Variants in FBXO25 observed in about 807,000 individuals in gnomAD.
FBXO25 encodes F-box protein 25.
Under a neutral mutation model 51.9 loss-of-function variants are expected in FBXO25, and 45 were observed. The ratio of observed to expected loss-of-function variants is 0.87; its 90% CI spans 0.68 to 1.11. FBXO25 has a LOEUF of 1.11. Ranked by LOEUF, FBXO25 falls within the 50% of genes most tolerant of loss-of-function variation. The pLI is 0.00. For missense variants in FBXO25, 507 were observed against 428.5 expected (o/e 1.18, Z -1.62); for synonymous variants, 199 against 151.0 (o/e 1.32, Z -2.33).
chr8:451,539 A>G lies in FBXO25; in HGVS notation c.660+86A>G, dbSNP rs1585076646. The G allele has an allele frequency of 2.4e-5, 30 of 1,273,896 alleles. No homozygotes were observed. In the Admixed American group the frequency reaches 5.4e-4, roughly 23 times the overall value. 78.9% of individuals were successfully genotyped at this position (1,273,896 alleles called of 1,614,324 possible). A position where few individuals can be genotyped will look rare whatever the true frequency, so the allele number is the denominator to read the frequency against. On this transcript the variant is annotated intron_variant, in intron 7 of 9. Coordinates refer to ENST00000350302, the MANE Select transcript of FBXO25 (RefSeq NM_183420.2). ...TTCTAAGCATACATGAAAGACTGCT[A>G]TAGCTTTTTGAAAGATTTTCTAATG...
chr8:413,546 G>T (rs1373898636), intron 2 of FBXO25, among the ~76,000 whole-genome samples: 1 of 152,146 alleles, frequency 6.6e-6, no homozygotes, highest in Admixed American at 6.5e-5. Flanking sequence ...TGTAGTAATA[G>T]TGGCTTACAC....
intron 8 of FBXO25, among the ~76,000 whole-genome samples, chr8:459,072 G>C (rs1487174726): frequency 6.6e-6 from 1 of 152,182 alleles, no homozygotes; most frequent in Non-Finnish European, 1.5e-5. Flanking sequence ...CCTTTGCAGG[G>C]TGGTCTGCTT....
chr8:442,159 A>G (rs1402227754), intron 5 of FBXO25, among the ~76,000 whole-genome samples: 2 of 152,168 alleles, frequency 1.3e-5, no homozygotes, highest in Non-Finnish European at 2.9e-5. Context: ...ATAATAATTT[A>G]TTCAGTAGGC....
At chr8:458,197 C>A (rs1372973582) in intron 7 of FBXO25, among the ~76,000 whole-genome samples, 172 bp from the exon 8 acceptor site, 1 of 152,218 alleles carries the variant, frequency 6.6e-6, no homozygotes, top group African/African-American at 2.4e-5. Flanking sequence ...CCTCCTCCAG[C>A]CTTCCCCACG....
At position 458,388 on chromosome 8, in the gene FBXO25, C is replaced by G; in HGVS notation, c.680C>G (p.Thr227Ser). The G allele has an allele frequency of 6.2e-7, 1 of 1,613,788 alleles. No individual in the cohort carries two copies. Among genetic ancestry groups the G allele is most frequent in the Non-Finnish European group, 8.5e-7 (1 of 1,179,888 alleles). ...QMTKQVNNGL[T>S]LSDLPLHMLN... ...TTTCAGCAAGTGAACAATGGCCTCA[C>G]CCTCAGTGACCTTCCTCTGCACATG... The change falls in exon 8 of 10, where the codon ACC becomes AGC. Residue 227 changes from threonine to serine, a missense_variant. Physicochemically the swap from Thr to Ser is moderately conservative, Grantham distance 58 (BLOSUM62 1). Transcript: ENST00000350302.
At chr8:421,176 T>C (rs552519491) in intron 2 of FBXO25, among the ~76,000 whole-genome samples, 79 of 152,320 alleles carry the variant, frequency 5.2e-4, no homozygotes, top group Non-Finnish European at 9.7e-4. Flanking sequence ...TGTTGTGAAC[T>C]GTGTATGTGA....
chr8:468,064 C>T (rs1175792469), intron 9 of FBXO25: 2 of 1,154,892 alleles, frequency 1.7e-6, no homozygotes, highest in African/African-American at 3.2e-5. Context: ...CAGCACTGAC[C>T]CCAGAGCCTC....
chr8:452,963 G>A (rs1210168128), intron 7 of FBXO25, among the ~76,000 whole-genome samples: 1 of 151,510 alleles, frequency 6.6e-6, no homozygotes, highest in East Asian at 1.9e-4. Flanking sequence ...CACGGGCTGA[G>A]GGATAATAGT....
chr8:460,424 T>A (rs1799734871), intron 8 of FBXO25, among the ~76,000 whole-genome samples: 1 of 152,138 alleles, frequency 6.6e-6, no homozygotes, highest in Non-Finnish European at 1.5e-5. Flanking sequence ...GATCTGTTCT[T>A]CAGGCCTCAG....
intron 1 of FBXO25, among the ~76,000 whole-genome samples, chr8:411,740 A>G (rs538286471): frequency 6.6e-6 from 1 of 152,172 alleles, no homozygotes; most frequent in African/African-American, 2.4e-5. Context: ...AATGGCTTAG[A>G]CTGGTAGGGA....
chr8:449,029 C>T (rs926612269), intron 5 of FBXO25, among the ~76,000 whole-genome samples: 1 of 152,196 alleles, frequency 6.6e-6, no homozygotes, highest in Non-Finnish European at 1.5e-5. Flanking sequence ...ACCAAACATG[C>T]TGTGTCTATA....
At position 450,046 on chromosome 8, in the gene FBXO25, G is replaced by T. The variant is rs1291842896; in HGVS notation, c.438G>T (p.Lys146Asn). ...CTTCATTGAGTGGCGTGGCACAGAAGAATTACTTCAACATTTTGGATAAAA... is the reference window on the plus strand; with the variant it reads ...CTTCATTGAGTGGCGTGGCACAGAATAATTACTTCAACATTTTGGATAAAA... The part of the protein sequence containing the change: ...QLTSLSGVAQ[K>N]NYFNILDKIV... The change falls in exon 6 of 10, where the codon AAG becomes AAT. Residue 146 changes from lysine (K) to asparagine (N), a missense_variant. By Grantham distance (94) the Lys-to-Asn change is moderately conservative. Coordinates refer to ENST00000350302, the MANE Select transcript of FBXO25 (RefSeq NM_183420.2). The T allele has an allele frequency of 6.2e-7, 1 of 1,613,300 alleles. No individual in the cohort carries two copies.
At chr8:409,237 A>G (rs62483095) in intron 1 of FBXO25, among the ~76,000 whole-genome samples, 14,540 of 152,274 alleles carry the variant, frequency 0.095, 752 homozygotes, top group South Asian at 0.14. Context: ...CATGAGCTGT[A>G]TAGATTATGC....
chr8:422,394 G>A (rs1422337412), intron 2 of FBXO25, among the ~76,000 whole-genome samples: 1 of 152,230 alleles, frequency 6.6e-6, no homozygotes, highest in Non-Finnish European at 1.5e-5. Context: ...TCTTCAAGGT[G>A]ATGAGAGGAG....
intron 4 of FBXO25, among the ~76,000 whole-genome samples, chr8:433,376 C>A (rs1156630054): frequency 1.3e-5 from 2 of 152,096 alleles, no homozygotes; most frequent in Non-Finnish European, 2.9e-5. Context: ...TGCAGTCATA[C>A]GCATTTTCTC....
chr8:412,515 C>T (rs1257791880), intron 1 of FBXO25, among the ~76,000 whole-genome samples: 2 of 152,200 alleles, frequency 1.3e-5, no homozygotes, highest in Non-Finnish European at 2.9e-5. Context: ...TCTTTGTAAA[C>T]CACAAATCTG....
intron 7 of FBXO25, among the ~76,000 whole-genome samples, chr8:456,905 C>G (rs535151361): frequency 5.9e-5 from 9 of 152,286 alleles, no homozygotes; most frequent in African/African-American, 2.2e-4. Context: ...GGTGTCAAGG[C>G]ACGGGTGCCC....
chr8:471,366 CAG>C lies in FBXO25; in HGVS notation c.*2566_*2567del, dbSNP rs893674653. 1.1e-4 allele frequency: 17 copies of C among 151,962 alleles called. No individual in the cohort carries two copies. The highest frequency in any genetic ancestry group is 2.4e-4 in the African/African-American group (10 of 41,332). The allele number at this position is 151,962 out of a possible 1,614,324, so 9.4% of individuals were successfully genotyped here. On this transcript the variant is annotated 3_prime_UTR_variant, in exon 10 of 10. Coordinates refer to ENST00000350302, the MANE Select transcript of FBXO25 (RefSeq NM_183420.2). ...TTACAGAAGATCGGACAACACCAAA[CAG>C]AGATGAGAAGAGAAATCATAGATCT...
chr8:448,632 C>T (rs978962952), intron 5 of FBXO25, among the ~76,000 whole-genome samples: 1 of 152,210 alleles, frequency 6.6e-6, no homozygotes, highest in Non-Finnish European at 1.5e-5. Context: ...TGAATCTCTG[C>T]AGCATCAGCT....
Sources: allele counts gnomAD v4.1 joint callset (sites outside exome capture counted in the v4.1 genomes callset), GRCh38; gene constraint gnomAD v4.1.1; transcripts MANE v1.5; gene names NCBI Gene and HGNC (gene_info 2026-07-23, HGNC 2026-07-21).